Variants in IGSF21 observed in about 807,000 individuals in gnomAD.
The protein encoded by IGSF21 is immunoglobin superfamily member 21.
A neutral mutation model predicts 46.8 loss-of-function variants in IGSF21; 28 were observed. The ratio of observed to expected loss-of-function variants is 0.60; its 90% CI spans 0.44 to 0.82. The LOEUF is 0.82. Among genes scored for constraint, IGSF21 ranks in the 40% least tolerant of loss-of-function variants. IGSF21 has a pLI of 0.00. For missense variants in IGSF21, 624 were observed against 665.5 expected (o/e 0.94, Z 0.69); for synonymous variants, 284 against 273.6 (o/e 1.04, Z -0.38).
At chr1:18,302,704 C>G (rs767500484) in intron 3 of IGSF21, among the ~76,000 whole-genome samples, 2 of 152,154 alleles carry the variant, frequency 1.3e-5, no homozygotes, top group Non-Finnish European at 1.5e-5. Context: ...CCCTGCAACA[C>G]AGACTCCAGA....
At chr1:18,161,317 G>A (rs1157100279) in intron 1 of IGSF21, among the ~76,000 whole-genome samples, 3 of 152,090 alleles carry the variant, frequency 2.0e-5, no homozygotes. Context: ...CCATCCCCAT[G>A]CCGCAGAGGA....
At chr1:18,113,516 A>G (rs1302526423) in intron 1 of IGSF21, 2 of 152,056 alleles carry the variant, frequency 1.3e-5, no homozygotes, top group African/African-American at 4.8e-5. Context: ...CAGGAAAGGA[A>G]TCTGGTGTTT....
intron 1 of IGSF21, among the ~76,000 whole-genome samples, chr1:18,184,991 G>T (rs2124471817): frequency 6.6e-6 from 1 of 152,324 alleles, no homozygotes; most frequent in South Asian, 2.1e-4. Context: ...GTTGTTGGAA[G>T]AATACAAGGG....
intron 4 of IGSF21, among the ~76,000 whole-genome samples, chr1:18,351,068 T>C (rs1340620407): frequency 6.6e-6 from 1 of 152,032 alleles, no homozygotes; most frequent in Admixed American, 6.5e-5. Context: ...TCTAACTGTC[T>C]GGATGAGGAA....
In IGSF21 at chr1:18,234,473, GTA is replaced by G. The variant is rs760474004; in HGVS notation, c.183+6465_183+6466del. ...CCCAGGTCTACTTCCATTGTAATCTGTATTCGTCTGTTCTTATGCTGCTATAA... is the reference window on the plus strand; with the variant it reads ...CCCAGGTCTACTTCCATTGTAATCTGTTCGTCTGTTCTTATGCTGCTATAA... On this transcript the variant is annotated intron_variant, in intron 2 of 9. Coordinates refer to ENST00000251296, the MANE Select transcript of IGSF21 (RefSeq NM_032880.5). 4.1e-4 allele frequency among the ~76,000 whole-genome samples: 63 copies of G among 152,322 alleles called. 1 individual carries two copies. The highest frequency in any genetic ancestry group is 1.8e-3 in the Admixed American group (27 of 15,302).
intron 1 of IGSF21, among the ~76,000 whole-genome samples, chr1:18,164,177 C>T (rs1228034174): frequency 6.6e-6 from 1 of 152,126 alleles, no homozygotes; most frequent in Non-Finnish European, 1.5e-5. Flanking sequence ...GAGGCATAGG[C>T]AAGGTAAGTA....
chr1:18,377,936 G>A (rs949194231), intron 9 of IGSF21, among the ~76,000 whole-genome samples: 1 of 152,120 alleles, frequency 6.6e-6, no homozygotes, highest in South Asian at 2.1e-4. Context: ...ACCACCCCAG[G>A]GGGCCCAGAC....
chr1:18,114,159 C>T (rs1351813546), intron 1 of IGSF21: 1 of 152,216 alleles, frequency 6.6e-6, no homozygotes, highest in African/African-American at 2.4e-5. Context: ...AATCCCACCG[C>T]CTGCCCTCTG....
chr1:18,200,393 GC>G (rs1235836950), intron 1 of IGSF21, among the ~76,000 whole-genome samples: 1 of 152,148 alleles, frequency 6.6e-6, no homozygotes, highest in African/African-American at 2.4e-5. Flanking sequence ...ACTTCTGGAG[GC>G]TAGAAGTCCA....
At chr1:18,303,536 A>G (rs2085382254) in intron 3 of IGSF21, among the ~76,000 whole-genome samples, 1 of 152,212 alleles carries the variant, frequency 6.6e-6, no homozygotes, top group Non-Finnish European at 1.5e-5. Context: ...ATCAGCCATC[A>G]GGAATTGTAG....
Position 18,265,814 on chromosome 1 carries a change from G to A in IGSF21, c.184-26052G>A, listed in dbSNP as rs186364318. 1.2e-3 allele frequency among the ~76,000 whole-genome samples: 188 copies of A among 152,328 alleles called. 1 individual carries two copies. Among genetic ancestry groups the A allele is most frequent in the African/African-American group, 4.1e-3 (170 of 41,568 alleles). Reference sequence around the variant, plus strand: ...AAGAATGCATTTCCTAGGCAAGCCCGCTCCTTCCTTAAGCTCGCAGGCTGA... The same window carrying A: ...AAGAATGCATTTCCTAGGCAAGCCCACTCCTTCCTTAAGCTCGCAGGCTGA... On this transcript the variant is annotated intron_variant, in intron 2 of 9. Transcript: ENST00000251296.
intron 3 of IGSF21, among the ~76,000 whole-genome samples, chr1:18,302,323 T>A (rs772653184): frequency 1.3e-5 from 2 of 152,108 alleles, no homozygotes; most frequent in Non-Finnish European, 2.9e-5. Context: ...TCCACTCGCA[T>A]GTCTACTGTC....
intron 1 of IGSF21, among the ~76,000 whole-genome samples, chr1:18,199,456 T>C (rs1310042507): frequency 1.3e-5 from 2 of 152,134 alleles, no homozygotes; most frequent in Admixed American, 6.5e-5. Flanking sequence ...TACACGGACA[T>C]CCAGGCGCCC....
chr1:18,285,165 G>A (rs1187970961), intron 2 of IGSF21, among the ~76,000 whole-genome samples: 1 of 149,968 alleles, frequency 6.7e-6, no homozygotes, highest in Non-Finnish European at 1.5e-5. Context: ...GGGAAGGTGG[G>A]GGGAGGTGAT....
chr1:18,293,005 GCAGCCC>G (rs2085281933), intron 3 of IGSF21, among the ~76,000 whole-genome samples: 1 of 152,242 alleles, frequency 6.6e-6, no homozygotes, highest in African/African-American at 2.4e-5. Context: ...GAGGGGGACT[GCAGCCC>G]CGGCAAGCCC....
At chr1:18,293,968 C>T (rs2085290184) in intron 3 of IGSF21, among the ~76,000 whole-genome samples, 1 of 152,240 alleles carries the variant, frequency 6.6e-6, no homozygotes, top group African/African-American at 2.4e-5. Flanking sequence ...AGATGAAAAT[C>T]CCAGCTCAGT....
At chr1:18,221,997 C>T (rs527344313) in intron 1 of IGSF21, among the ~76,000 whole-genome samples, 1 of 152,044 alleles carries the variant, frequency 6.6e-6, no homozygotes, top group Non-Finnish European at 1.5e-5. Context: ...GAAACTGAGG[C>T]CCAGGAAGAG....
intron 4 of IGSF21, chr1:18,361,799 G>T (rs1485784160): frequency 4.1e-6 from 1 of 242,016 alleles, no homozygotes; most frequent in Non-Finnish European, 8.0e-6. Flanking sequence ...CCCAGGCTCG[G>T]GCAGAGTCCC....
At chr1:18,208,914 G>C (rs949323130) in intron 1 of IGSF21, among the ~76,000 whole-genome samples, 4 of 152,162 alleles carry the variant, frequency 2.6e-5, no homozygotes, top group African/African-American at 9.7e-5. Context: ...GTAGCCAGAT[G>C]CAAAGGGGCA....
Sources: allele counts gnomAD v4.1 joint callset (sites outside exome capture counted in the v4.1 genomes callset), GRCh38; gene constraint gnomAD v4.1.1; transcripts MANE v1.5; gene names NCBI Gene and HGNC (gene_info 2026-07-23, HGNC 2026-07-21).